Variants in PPM1G observed in about 807,000 individuals in gnomAD.
PPM1G encodes protein phosphatase 1G.
Under a neutral mutation model 59.4 loss-of-function variants are expected in PPM1G, and 12 were observed. The observed-to-expected ratio is 0.20, with a 90% CI of 0.13 to 0.33. PPM1G has a LOEUF of 0.33. Ranked by LOEUF, PPM1G falls within the 10% of genes least tolerant of loss-of-function variation. The pLI, the probability that PPM1G is intolerant of heterozygous loss-of-function variation, is 1.00. For missense variants in PPM1G, 392 were observed against 681.3 expected (o/e 0.58, Z 4.73); for synonymous variants, 245 against 251.9 (o/e 0.97, Z 0.26).
chr2:27,407,113 G>A (rs986726648), intron 1 of PPM1G, among the ~76,000 whole-genome samples: 1 of 151,702 alleles, frequency 6.6e-6, no homozygotes, highest in African/African-American at 2.4e-5. Flanking sequence ...TTATAGGCAC[G>A]CACCACCACA....
Position 27,381,649 on chromosome 2 carries a change from C to A in PPM1G, c.1591G>T (p.Ala531Ser). ...KLEEVLSTEGAEENGNSDKKK... is the reference protein window; with the variant it reads ...KLEEVLSTEGSEENGNSDKKK... The stretch of plus-strand genomic sequence containing the variant: ...TTGTCGCTGTTGCCATTTTCTTCAG[C>A]CCCCTCAGTAGAGAGCACCTCCTCT... Residue 531 changes from alanine (A) to serine (S), a missense_variant, in exon 10 of 10, where the codon GCT (alanine) becomes TCT (serine). Ala to Ser is a moderately conservative substitution (Grantham distance 99). This residue lies in a region of PPM1G where 49 missense variants were observed against 43.4 expected (regional missense o/e 1.13). Coordinates refer to ENST00000344034, the MANE Select transcript of PPM1G (RefSeq NM_177983.3). The A allele has an allele frequency of 6.2e-7, 1 of 1,614,098 alleles. No homozygotes were observed. The highest frequency in any genetic ancestry group is 8.5e-7 in the Non-Finnish European group (1 of 1,180,034).
chr2:27,404,564 T>A (rs1426517412), intron 1 of PPM1G, among the ~76,000 whole-genome samples: 1 of 150,172 alleles, frequency 6.7e-6, no homozygotes, highest in Non-Finnish European at 1.5e-5. Context: ...AAAAAAAAAA[T>A]TCCTAACTCT....
chr2:27,386,530 A>T, intron 2 of PPM1G: 1 of 289,714 alleles, frequency 3.5e-6, no homozygotes, highest in South Asian at 5.6e-5. Context: ...AGTGAAAAAA[A>T]GATAAAGAAT....
At chr2:27,396,866 T>C (rs1393842104) in intron 1 of PPM1G, among the ~76,000 whole-genome samples, 3 of 152,024 alleles carry the variant, frequency 2.0e-5, no homozygotes, top group African/African-American at 7.2e-5. Context: ...ATTTTTATGT[T>C]ATGAAAACTT....
At chr2:27,389,055 G>A (rs1683835635) in intron 1 of PPM1G, among the ~76,000 whole-genome samples, 2 of 151,956 alleles carry the variant, frequency 1.3e-5, no homozygotes, top group African/African-American at 4.8e-5. Flanking sequence ...CCTAAGAACT[G>A]GCCTCAAGTT....
In PPM1G at chr2:27,409,477, G is replaced by C; in HGVS notation, c.-55C>G. 1.4e-6 allele frequency: 2 copies of C among 1,420,180 alleles called. No homozygotes were observed. The highest frequency in any genetic ancestry group is 1.8e-6 in the Non-Finnish European group (2 of 1,091,014). 88.0% of individuals were successfully genotyped at this position (1,420,180 alleles called of 1,614,324 possible). On this transcript the variant is annotated 5_prime_UTR_variant, in exon 1 of 10. Transcript: ENST00000344034. ...AGGAAAGCTGGGCGCGACCCGTGCC[G>C]GAGCCGAAGCCCCGGGGGTGCGCGC...
intron 1 of PPM1G, among the ~76,000 whole-genome samples, chr2:27,389,709 A>G (rs937675893): frequency 5.9e-5 from 9 of 152,212 alleles, no homozygotes; most frequent in African/African-American, 2.2e-4. Context: ...TCACACCTGT[A>G]ATCCCAGCGC....
At chr2:27,403,120 C>T (rs1278563709) in intron 1 of PPM1G, among the ~76,000 whole-genome samples, 1 of 151,984 alleles carries the variant, frequency 6.6e-6, no homozygotes, top group East Asian at 1.9e-4. Context: ...AGAGTGAGAT[C>T]CTGTCTCAAA....
intron 1 of PPM1G, among the ~76,000 whole-genome samples, chr2:27,407,945 G>A (rs558487484): frequency 6.6e-6 from 1 of 152,024 alleles, no homozygotes; most frequent in African/African-American, 2.4e-5. Context: ...TACTAGGGAG[G>A]CTGAGGCAGG....
rs551307055 is a variant in PPM1G at position 27,384,848 on chromosome 2, T to A, written c.650A>T (p.Asn217Ile). 3.1e-6 allele frequency: 5 copies of A among 1,614,138 alleles called. No individual in the cohort carries two copies. In the East Asian group the frequency reaches 6.7e-5, roughly 22 times the overall value. Residue 217 changes from asparagine to isoleucine, a missense_variant, in exon 5 of 10, where the codon AAC becomes ATC. Physicochemically the swap from Asn to Ile is moderately radical, Grantham distance 149 (BLOSUM62 -3). This residue lies in a region of PPM1G where 188 missense variants were observed against 248.8 expected (regional missense o/e 0.76). Coordinates refer to ENST00000344034, the MANE Select transcript of PPM1G (RefSeq NM_177983.3). The surrounding 1 kb of genome is among the most constrained non-coding windows in gnomAD (Gnocchi z 4.8). ...GCCTGCCTCAGTCCCACGTTCCGAGTTGGAGGAAAAGCCTGTGTAGGCCTT... is the reference window on the plus strand; with the variant it reads ...GCCTGCCTCAGTCCCACGTTCCGAGATGGAGGAAAAGCCTGTGTAGGCCTT... ...TAKAYTGFSS[N>I]SERGTEAGQV...
In PPM1G at chr2:27,381,569, AGTCTAGGTGGGCAGGG is replaced by A; in HGVS notation, c.*14_*29del. 6.2e-7 allele frequency: 1 copy of A among 1,613,264 alleles called. No homozygotes were observed. The highest frequency in any genetic ancestry group is 2.2e-5 in the East Asian group (1 of 44,840). On this transcript the variant is annotated 3_prime_UTR_variant, in exon 10 of 10. Coordinates refer to ENST00000344034, the MANE Select transcript of PPM1G (RefSeq NM_177983.3). ...CTCAGGTCCGGAGGGCTCAGAAAAC[AGTCTAGGTGGGCAGGG>A]GTCTGGATGACTGCTAGTCTCGCTT...
intron 1 of PPM1G, among the ~76,000 whole-genome samples, chr2:27,388,003 T>A (rs1683809980): frequency 6.6e-6 from 1 of 150,552 alleles, no homozygotes; most frequent in South Asian, 2.1e-4. Flanking sequence ...TTTCACCTTG[T>A]TAGCCAGAAT....
At chr2:27,386,966 C>T (rs1355553900) in intron 2 of PPM1G, 123 bp downstream of exon 2, 1 of 704,748 alleles carries the variant, frequency 1.4e-6, no homozygotes, top group African/African-American at 1.8e-5. Flanking sequence ...AAAACAGCAC[C>T]ACGCAGGAAA....
chr2:27,387,283 G>A, intron 1 of PPM1G, 125 bp from the exon 2 acceptor site: 1 of 676,336 alleles, frequency 1.5e-6, no homozygotes, highest in Non-Finnish European at 2.6e-6. Context: ...AATAAGAAAG[G>A]AAGAAGGAAT....
chr2:27,398,380 C>T (rs1230193286), intron 1 of PPM1G, among the ~76,000 whole-genome samples: 1 of 152,154 alleles, frequency 6.6e-6, no homozygotes, highest in Non-Finnish European at 1.5e-5. Flanking sequence ...ACAGAAACAG[C>T]TAAAACTATA....
intron 1 of PPM1G, among the ~76,000 whole-genome samples, chr2:27,395,516 G>A (rs1217131251): frequency 6.6e-6 from 1 of 151,956 alleles, no homozygotes; most frequent in Non-Finnish European, 1.5e-5. Context: ...GCAATAGAGT[G>A]AGACTCTGTC....
chr2:27,394,057 C>T (rs927434466), intron 1 of PPM1G, among the ~76,000 whole-genome samples: 1 of 152,020 alleles, frequency 6.6e-6, no homozygotes, highest in African/African-American at 2.4e-5. Context: ...CCACCGCGCC[C>T]GGCCTAATTT....
chr2:27,384,427 A>G lies in PPM1G; in HGVS notation c.825+246T>C, dbSNP rs1683713898. Among the ~76,000 whole-genome samples, 1 of 152,258 alleles carries G rather than the reference A, an allele frequency of 6.6e-6. No individual in the cohort carries two copies. The highest frequency in any genetic ancestry group is 6.5e-5 in the Admixed American group (1 of 15,288). On this transcript the variant is annotated intron_variant, in intron 5 of 9. Transcript: ENST00000344034. The surrounding 1 kb of genome is among the most constrained non-coding windows in gnomAD (Gnocchi z 4.8). ...ACAACTATCTCCTTGTTCTCTCTCT[A>G]GGAGACAGACTCTGAAAAGCCAGAA...
intron 1 of PPM1G, among the ~76,000 whole-genome samples, chr2:27,403,498 A>G (rs1353421727): frequency 6.6e-6 from 1 of 152,238 alleles, no homozygotes; most frequent in Non-Finnish European, 1.5e-5. Context: ...TACATGTGAT[A>G]TAATTCTATA....
Sources: allele counts gnomAD v4.1 joint callset (sites outside exome capture counted in the v4.1 genomes callset), GRCh38; gene constraint gnomAD v4.1.1; regional missense constraint gnomAD v4.1.1; non-coding constraint Gnocchi (gnomAD v3.1); transcripts MANE v1.5; gene names NCBI Gene and HGNC (gene_info 2026-07-23, HGNC 2026-07-21).